Variants in CHD9 observed in about 807,000 individuals in gnomAD.
CHD9 encodes ATP-dependent chromatin remodeler CHD9.
A neutral mutation model predicts 316.1 loss-of-function variants in CHD9; 77 were observed. The observed-to-expected ratio is 0.24, with a 90% CI of 0.20 to 0.29. The LOEUF (loss-of-function observed/expected upper bound fraction) is 0.29. Among genes scored for constraint, CHD9 ranks in the 10% least tolerant of loss-of-function variants. The pLI is 1.00. For missense variants in CHD9, 2,763 were observed against 3,438.1 expected, an observed-to-expected ratio of 0.80 and a Z score of 4.91; for synonymous variants, 1,129 against 1,158.3, an observed-to-expected ratio of 0.97 and a Z score of 0.51.
At chr16:53,236,029 G>T (rs1305059101) in intron 11 of CHD9, among the ~76,000 whole-genome samples, 1 of 152,100 alleles carries the variant, frequency 6.6e-6, no homozygotes, top group Non-Finnish European at 1.5e-5. Flanking sequence ...GTTATGCTTA[G>T]TGATGGTGAG....
intron 2 of CHD9, among the ~76,000 whole-genome samples, chr16:53,179,211 A>G (rs2043303947): frequency 6.6e-6 from 1 of 152,174 alleles, no homozygotes; most frequent in African/African-American, 2.4e-5. Flanking sequence ...ATCTCCCAAG[A>G]ATGACATTCT....
intron 2 of CHD9, among the ~76,000 whole-genome samples, chr16:53,168,098 G>A (rs62048024): frequency 0.28 from 42,334 of 151,606 alleles, 6,004 homozygotes; most frequent in Middle Eastern, 0.32. Flanking sequence ...GTCTTGCTCC[G>A]TCTCCTAGGC....
chr16:53,121,169 C>A, intron 1 of CHD9: 1 of 327,772 alleles, frequency 3.1e-6, no homozygotes, highest in Non-Finnish European at 6.1e-6. Context: ...CTATCTTGTT[C>A]ATTGTTGTAT....
intron 1 of CHD9, among the ~76,000 whole-genome samples, 196 bp from the exon 2 acceptor site, chr16:53,155,730 C>G (rs1282157694): frequency 1.3e-5 from 2 of 152,178 alleles, no homozygotes; most frequent in African/African-American, 2.4e-5. Flanking sequence ...GCCACCAGCT[C>G]TAGGTGACCC....
intron 30 of CHD9, among the ~76,000 whole-genome samples, chr16:53,302,506 A>G (rs147401608): frequency 3.2e-4 from 48 of 152,328 alleles, no homozygotes; most frequent in East Asian, 2.3e-3. Flanking sequence ...AAGGTAGTTT[A>G]TGCTGCATTT....
intron 2 of CHD9, among the ~76,000 whole-genome samples, chr16:53,200,993 C>A (rs2045406241): frequency 6.6e-6 from 1 of 152,234 alleles, no homozygotes; most frequent in South Asian, 2.1e-4. Context: ...TTCACAAGAG[C>A]CCTATTAGAT....
intron 2 of CHD9, among the ~76,000 whole-genome samples, chr16:53,180,473 A>T (rs980885748): frequency 2.0e-5 from 3 of 152,152 alleles, no homozygotes; most frequent in African/African-American, 7.2e-5. Context: ...TATGACAAGG[A>T]TTATAAATAT....
chr16:53,315,571 C>A (rs928779891), intron 36 of CHD9, among the ~76,000 whole-genome samples: 1 of 152,068 alleles, frequency 6.6e-6, no homozygotes, highest in Non-Finnish European at 1.5e-5. Flanking sequence ...CTCTGCCTCC[C>A]GGATTCAAGC....
chr16:53,150,516 C>T (rs2041013265), intron 1 of CHD9, among the ~76,000 whole-genome samples: 1 of 152,128 alleles, frequency 6.6e-6, no homozygotes, highest in Non-Finnish European at 1.5e-5. Flanking sequence ...GCATTACATA[C>T]CAAAGGTACA....
rs1189476990 is a variant in CHD9, at chr16:53,286,270, T to G, written c.5116T>G (p.Phe1706Val). The G allele has an allele frequency of 6.2e-7, 1 of 1,613,354 alleles. No individual in the cohort carries two copies. Reference protein sequence around the residue: ...NTIRADPALCFLERVGKPDEK... With the variant: ...NTIRADPALCVLERVGKPDEK... Reference sequence around the variant, plus strand: ...TATTCGAGCAGACCCAGCATTATGCTTCTTGGAAAGAGTGGGAAAACCTGA... The same window carrying G: ...TATTCGAGCAGACCCAGCATTATGCGTCTTGGAAAGAGTGGGAAAACCTGA... The change falls in exon 26 of 39, where the codon TTC becomes GTC. Residue 1706 changes from phenylalanine (F) to valine (V), a missense_variant. By Grantham distance (50) the Phe-to-Val change is conservative. This residue lies in a region of CHD9 where 183 missense variants were observed against 258.5 expected (regional missense o/e 0.71). Coordinates refer to ENST00000447540, the MANE Select transcript of CHD9 (RefSeq NM_001308319.2).
At chr16:53,169,025 T>C (rs2042482178) in intron 2 of CHD9, among the ~76,000 whole-genome samples, 1 of 152,126 alleles carries the variant, frequency 6.6e-6, no homozygotes, top group Non-Finnish European at 1.5e-5. Context: ...CAGCCTGAGC[T>C]TCTTGGTGAA....
chr16:53,251,659 G>T (rs2050138487), intron 17 of CHD9, among the ~76,000 whole-genome samples: 1 of 152,084 alleles, frequency 6.6e-6, no homozygotes, highest in Admixed American at 6.6e-5. Context: ...TTAATAATTT[G>T]GGAGAAAAAC....
intron 1 of CHD9, among the ~76,000 whole-genome samples, chr16:53,152,156 C>T (rs1342633942): frequency 6.6e-6 from 1 of 152,168 alleles, no homozygotes; most frequent in Non-Finnish European, 1.5e-5. Flanking sequence ...CATTTAGACA[C>T]TTTTCAAACT....
chr16:53,123,722 G>C (rs949589397), intron 1 of CHD9, among the ~76,000 whole-genome samples: 1 of 151,846 alleles, frequency 6.6e-6, no homozygotes, highest in African/African-American at 2.4e-5. Flanking sequence ...TGCTGGTCTC[G>C]AACTCCTGAC....
At chr16:53,068,419 TC>T (rs2033718032) in intron 1 of CHD9, among the ~76,000 whole-genome samples, 1 of 152,112 alleles carries the variant, frequency 6.6e-6, no homozygotes. Context: ...GATCCAGCAT[TC>T]TCTCCCACCT....
rs1026347648 is a variant in CHD9 at position 53,098,108 on chromosome 16, G to A, written c.-165+43031G>A. Among the ~76,000 whole-genome samples the A allele has an allele frequency of 1.2e-4, 18 of 151,850 alleles. 1 individual carries two copies. The East Asian group carries it at 2.0e-3, about 17-fold the overall frequency. On this transcript the variant is annotated intron_variant, in intron 1 of 38. Coordinates refer to ENST00000447540, the MANE Select transcript of CHD9 (RefSeq NM_001308319.2). ...GCACTCCAGCCTGGGGGACAAGAGCGAGACTTCGTCTCAAAAAAAAAATTG... is the reference window on the plus strand; with the variant it reads ...GCACTCCAGCCTGGGGGACAAGAGCAAGACTTCGTCTCAAAAAAAAAATTG...
intron 19 of CHD9, among the ~76,000 whole-genome samples, chr16:53,261,577 A>G (rs570549601): frequency 3.9e-5 from 6 of 152,030 alleles, no homozygotes; most frequent in African/African-American, 1.4e-4. Flanking sequence ...GGGTCTCACT[A>G]TGTTGCCCAG....
intron 4 of CHD9, among the ~76,000 whole-genome samples, chr16:53,223,693 C>T (rs1482849911): frequency 6.6e-6 from 1 of 152,114 alleles, no homozygotes; most frequent in Non-Finnish European, 1.5e-5. Flanking sequence ...TAGGCTAGGT[C>T]AACATGAACA....
At chr16:53,240,130 G>C (rs950897778) in intron 12 of CHD9, among the ~76,000 whole-genome samples, 1 of 151,962 alleles carries the variant, frequency 6.6e-6, no homozygotes, top group Non-Finnish European at 1.5e-5. Context: ...GCCCAGGCTG[G>C]TCTCGAACTC....
Sources: allele counts gnomAD v4.1 joint callset (sites outside exome capture counted in the v4.1 genomes callset), GRCh38; gene constraint gnomAD v4.1.1; regional missense constraint gnomAD v4.1.1; transcripts MANE v1.5; gene names NCBI Gene and HGNC (gene_info 2026-07-23, HGNC 2026-07-21).